ULK4: variants seen among roughly 807,000 people sequenced by gnomAD.
The protein encoded by ULK4 is inactive serine/threonine-protein kinase ULK4.
In ULK4, 133 loss-of-function variants were observed where a neutral mutation model predicts 160.6. The observed-to-expected ratio is 0.83, with a 90% CI of 0.72 to 0.96. The LOEUF (loss-of-function observed/expected upper bound fraction) is 0.96. ULK4 is among the 40% of genes least tolerant of loss of function. ULK4 has a pLI of 0.00. For synonymous variants in ULK4, 534 were observed against 539.8 expected (o/e 0.99, Z 0.15); for missense variants, 1,580 against 1,499.5 (o/e 1.05, Z -0.89).
In ULK4 at chr3:41,773,325, T is replaced by C. The variant is rs564086667; in HGVS notation, c.2193+16336A>G. 8.4e-4 allele frequency among the ~76,000 whole-genome samples: 128 copies of C among 152,254 alleles called. 2 individuals are homozygous for C. The highest frequency in any genetic ancestry group is 5.9e-4 in the Non-Finnish European group (40 of 68,018). On this transcript the variant is annotated intron_variant, in intron 21 of 36. Coordinates refer to ENST00000301831, the MANE Select transcript of ULK4 (RefSeq NM_017886.4). The stretch of plus-strand genomic sequence containing the variant: ...TTGACTGTATATCTAGAAAACCCCA[T>C]TGTCTCAGCCCAAAATATCCTTAAG...
intron 35 of ULK4, among the ~76,000 whole-genome samples, chr3:41,372,470 A>G (rs2081390106): frequency 6.6e-6 from 1 of 152,218 alleles, no homozygotes; most frequent in Admixed American, 6.5e-5. Flanking sequence ...TACAAGCCAG[A>G]AAAGAGTGGG....
chr3:41,717,316 T>C (rs1235875823), intron 23 of ULK4, among the ~76,000 whole-genome samples: 3 of 152,132 alleles, frequency 2.0e-5, no homozygotes, highest in Non-Finnish European at 4.4e-5. Flanking sequence ...ATAAAATCTA[T>C]TCAAAGTTTT....
chr3:41,633,776 T>A (rs987743262), intron 30 of ULK4, among the ~76,000 whole-genome samples: 2 of 152,000 alleles, frequency 1.3e-5, no homozygotes, highest in African/African-American at 2.4e-5. Context: ...ACTGAATGCA[T>A]GAGGGGAGAG....
intron 30 of ULK4, among the ~76,000 whole-genome samples, chr3:41,656,541 G>A (rs919661716): frequency 5.9e-5 from 9 of 152,052 alleles, no homozygotes; most frequent in Non-Finnish European, 1.0e-4. Flanking sequence ...GTTGATTTTT[G>A]TCATCATTCA....
At chr3:41,946,700 T>G (rs775960053) in intron 2 of ULK4, among the ~76,000 whole-genome samples, 1 of 152,194 alleles carries the variant, frequency 6.6e-6, no homozygotes, top group African/African-American at 2.4e-5. Flanking sequence ...GTAGTGTGTG[T>G]CACAAGTTGT....
At chr3:41,902,260 C>T (rs941094560) in intron 12 of ULK4, among the ~76,000 whole-genome samples, 4 of 152,068 alleles carry the variant, frequency 2.6e-5, no homozygotes, top group Non-Finnish European at 5.9e-5. Context: ...CAAGCTGCCC[C>T]ATGCAACTCA....
chr3:41,470,543 G>A (rs2125886255), intron 32 of ULK4, among the ~76,000 whole-genome samples: 1 of 152,198 alleles, frequency 6.6e-6, no homozygotes, highest in East Asian at 1.9e-4. Flanking sequence ...AATGGTATAA[G>A]TAATACAAAG....
chr3:41,737,574 AG>A (rs1380101555), intron 22 of ULK4, among the ~76,000 whole-genome samples: 1 of 151,942 alleles, frequency 6.6e-6, no homozygotes, highest in Non-Finnish European at 1.5e-5. Flanking sequence ...CTAAGCCAAA[AG>A]AACAAAGCTG....
In ULK4 at chr3:41,568,060, A is replaced by G. The variant is rs114944965; in HGVS notation, c.3121-1930T>C. 2.6e-3 allele frequency among the ~76,000 whole-genome samples: 403 copies of G among 152,298 alleles called. 1 individual carries two copies. The highest frequency in any genetic ancestry group is 8.8e-3 in the African/African-American group (366 of 41,548). On this transcript the variant is annotated intron_variant, in intron 31 of 36. Coordinates refer to ENST00000301831, the MANE Select transcript of ULK4 (RefSeq NM_017886.4). Reference sequence around the variant, plus strand: ...TTTCTGTTCCAGAATTCAATCAAGGATCCTATTTTACACTCAGGATTATTC... The same window carrying G: ...TTTCTGTTCCAGAATTCAATCAAGGGTCCTATTTTACACTCAGGATTATTC...
At position 41,878,675 on chromosome 3, in the gene ULK4, TAA is replaced by T. The variant is rs33987084; in HGVS notation, c.1656+5197_1656+5198del. Among the ~76,000 whole-genome samples the T allele has an allele frequency of 2.5e-3, 236 of 95,936 alleles. 3 individuals are homozygous for T. Among genetic ancestry groups the T allele is most frequent in the African/African-American group, 8.9e-3 (222 of 24,826 alleles). 62.9% of individuals were successfully genotyped at this position (95,936 alleles called of 152,430 possible). A position where few individuals can be genotyped will look rare whatever the true frequency, so the allele number is the denominator to read the frequency against. ...AATAATCGATTGATGTTAAAACTGT[TAA>T]AAAAAAAAAAAAAAAAAAAGAGTGA... On this transcript the variant is annotated intron_variant, in intron 17 of 36. Coordinates refer to ENST00000301831, the MANE Select transcript of ULK4 (RefSeq NM_017886.4).
chr3:41,381,981 C>T (rs1487449727), intron 35 of ULK4, among the ~76,000 whole-genome samples: 1 of 152,092 alleles, frequency 6.6e-6, no homozygotes, highest in Non-Finnish European at 1.5e-5. Flanking sequence ...TGCCTTGTGG[C>T]CTTAGCACTT....
intron 34 of ULK4, among the ~76,000 whole-genome samples, chr3:41,411,381 G>A (rs66505104): frequency 0.22 from 32,732 of 150,258 alleles, 3,978 homozygotes; most frequent in African/African-American, 0.32. Flanking sequence ...TTAAAACTTT[G>A]TTCTCCACAA....
chr3:41,584,146 A>T (rs2030605800), intron 31 of ULK4, among the ~76,000 whole-genome samples: 1 of 152,192 alleles, frequency 6.6e-6, no homozygotes, highest in Non-Finnish European at 1.5e-5. Flanking sequence ...GTGGGAGAAG[A>T]GATTGGGAGA....
intron 35 of ULK4, among the ~76,000 whole-genome samples, chr3:41,375,297 G>A (rs2081461856): frequency 6.6e-6 from 1 of 151,992 alleles, no homozygotes; most frequent in African/African-American, 2.4e-5. Context: ...AAATTCATAT[G>A]GAACCAAAAA....
chr3:41,844,043 T>TC (rs1422571256), intron 17 of ULK4, among the ~76,000 whole-genome samples: 1 of 152,130 alleles, frequency 6.6e-6, no homozygotes, highest in Non-Finnish European at 1.5e-5. Flanking sequence ...GTACTTACAA[T>TC]CCCTTAGCTA....
chr3:41,478,014 C>T (rs1005000086), intron 32 of ULK4, among the ~76,000 whole-genome samples: 1 of 152,340 alleles, frequency 6.6e-6, no homozygotes, highest in East Asian at 1.9e-4. Flanking sequence ...CAGGCCAATG[C>T]CTTTCAAACC....
At chr3:41,672,425 A>C (rs1002337672) in intron 29 of ULK4, among the ~76,000 whole-genome samples, 1 of 152,222 alleles carries the variant, frequency 6.6e-6, no homozygotes, top group African/African-American at 2.4e-5. Flanking sequence ...GGAGGTCATT[A>C]TATTAAGTGA....
intron 32 of ULK4, among the ~76,000 whole-genome samples, chr3:41,473,265 A>G (rs1200822986): frequency 6.6e-6 from 1 of 152,234 alleles, no homozygotes; most frequent in Non-Finnish European, 1.5e-5. Flanking sequence ...AGAAAAAAAG[A>G]AAAGGCATCC....
chr3:41,846,098 ACACAT>A (rs1316046920), intron 17 of ULK4, among the ~76,000 whole-genome samples: 3 of 152,244 alleles, frequency 2.0e-5, no homozygotes, highest in Non-Finnish European at 4.4e-5. Context: ...GTAAATAGAC[ACACAT>A]CATATAATTT....
Sources: allele counts gnomAD v4.1 joint callset (sites outside exome capture counted in the v4.1 genomes callset), GRCh38; gene constraint gnomAD v4.1.1; transcripts MANE v1.5; gene names NCBI Gene and HGNC (gene_info 2026-07-23, HGNC 2026-07-21).